VAV2: variants seen among roughly 807,000 people sequenced by gnomAD.
VAV2 encodes guanine nucleotide exchange factor VAV2.
In VAV2, 67 loss-of-function variants were observed where a neutral mutation model predicts 132.5. The ratio of observed to expected loss-of-function variants is 0.51; its 90% CI spans 0.42 to 0.62. The LOEUF is 0.62. Among genes scored for constraint, VAV2 ranks in the 20% least tolerant of loss-of-function variants. The pLI is 0.00. For missense variants in VAV2, 938 were observed against 1,153.6 expected (o/e 0.81, Z 2.71); for synonymous variants, 492 against 443.5 (o/e 1.11, Z -1.37).
intron 23 of VAV2, among the ~76,000 whole-genome samples, chr9:133,776,483 A>G (rs2510255): frequency 0.9 from 137,549 of 152,180 alleles, 62,204 homozygotes; most frequent in East Asian, 0.99. Context: ...CTGCCGCTCC[A>G]GTGAGCAGGT....
chr9:133,925,417 C>T (rs1840440341), intron 2 of VAV2, among the ~76,000 whole-genome samples: 1 of 152,142 alleles, frequency 6.6e-6, no homozygotes, highest in Non-Finnish European at 1.5e-5. Flanking sequence ...GGGGTTTCAC[C>T]ACGTTGTCCA....
intron 2 of VAV2, among the ~76,000 whole-genome samples, chr9:133,914,793 G>GGGA (rs1840011656): frequency 2.5e-5 from 3 of 120,052 alleles, no homozygotes; most frequent in African/African-American, 1.0e-4. Flanking sequence ...GGGAGAGGAG[G>GGGA]AGGAGAGGGG....
At chr9:133,874,394 G>A (rs531137527) in intron 2 of VAV2, among the ~76,000 whole-genome samples, 1 of 152,276 alleles carries the variant, frequency 6.6e-6, no homozygotes, top group East Asian at 1.9e-4. Context: ...TGTCCACCAG[G>A]AAAAAGCGGG....
rs79029980 is a variant in VAV2 at position 133,882,568 on chromosome 9, G to A, written c.322-21136C>T. 1.4e-4 allele frequency among the ~76,000 whole-genome samples: 21 copies of A among 152,264 alleles called. No homozygotes were observed. In the East Asian group the frequency reaches 3.9e-3, roughly 28 times the overall value. On this transcript the variant is annotated intron_variant, in intron 2 of 29. Coordinates refer to ENST00000371850, the MANE Select transcript of VAV2 (RefSeq NM_001134398.2). Reference sequence around the variant, plus strand: ...GACATAGGGAGAAAGGGGAGGCCATGTGAAGTCAGATCCCCACCCCCGCGA... The same window carrying A: ...GACATAGGGAGAAAGGGGAGGCCATATGAAGTCAGATCCCCACCCCCGCGA...
chr9:133,990,051 G>A (rs1485107999), intron 1 of VAV2, among the ~76,000 whole-genome samples: 2 of 152,208 alleles, frequency 1.3e-5, no homozygotes, highest in Admixed American at 6.5e-5. Context: ...GGCTACGAGG[G>A]GACTGCTATG....
chr9:133,904,884 C>T (rs1420989262), intron 2 of VAV2, among the ~76,000 whole-genome samples: 1 of 152,140 alleles, frequency 6.6e-6, no homozygotes, highest in Non-Finnish European at 1.5e-5. Flanking sequence ...GTGTTTTTGG[C>T]CCTCGTCCAC....
rs1206543034 is a variant in VAV2, at chr9:133,788,589, C to T, written c.1275-103G>A. 1 of 1,502,194 alleles carries T rather than the reference C, an allele frequency of 6.7e-7. No homozygotes were observed. The highest frequency in any genetic ancestry group is 1.4e-5 in the African/African-American group (1 of 73,110). 93.1% of individuals were successfully genotyped at this position (1,502,194 alleles called of 1,614,324 possible). A position where few individuals can be genotyped will look rare whatever the true frequency, so the allele number is the denominator to read the frequency against. ...CTGAGGCTCTGGCACGCGGCTCCCT[C>T]TCCGGGCGAGCCCTGCCCTCACCTG... On this transcript the variant is annotated intron_variant, in intron 14 of 29. Coordinates refer to ENST00000371850, the MANE Select transcript of VAV2 (RefSeq NM_001134398.2). The surrounding 1 kb of genome is among the most constrained non-coding windows in gnomAD (Gnocchi z 5.3).
At chr9:133,909,680 A>T (rs1839807636) in intron 2 of VAV2, among the ~76,000 whole-genome samples, 1 of 151,900 alleles carries the variant, frequency 6.6e-6, no homozygotes, top group Non-Finnish European at 1.5e-5. Context: ...AAAGAGGGGG[A>T]GACAGCCTTA....
At chr9:133,777,353 A>T in intron 23 of VAV2, 36 bp downstream of exon 23, 1 of 1,609,372 alleles carries the variant, frequency 6.2e-7, no homozygotes, top group Non-Finnish European at 8.5e-7. Context: ...CACCCAGGCC[A>T]CCGTGCTCCA....
Position 133,935,741 on chromosome 9 carries a change from C to T in VAV2, c.321+3362G>A, listed in dbSNP as rs564525444. Among the ~76,000 whole-genome samples, 36 of 152,354 alleles carry T rather than the reference C, an allele frequency of 2.4e-4. No individual in the cohort carries two copies. The highest frequency in any genetic ancestry group is 6.8e-3 in the Middle Eastern group (2 of 294). On this transcript the variant is annotated intron_variant, in intron 2 of 29. Coordinates refer to ENST00000371850, the MANE Select transcript of VAV2 (RefSeq NM_001134398.2). The surrounding 1 kb of genome is among the most constrained non-coding windows in gnomAD (Gnocchi z 5.2). ...TTGGAAGTGCTGACCACAGCTTGACCACGGTAGGAAAAACATCCAGGGAAG... is the reference window on the plus strand; with the variant it reads ...TTGGAAGTGCTGACCACAGCTTGACTACGGTAGGAAAAACATCCAGGGAAG...
intron 1 of VAV2, among the ~76,000 whole-genome samples, chr9:133,957,395 C>T (rs1472201253): frequency 1.3e-5 from 2 of 152,150 alleles, no homozygotes; most frequent in African/African-American, 2.4e-5. Flanking sequence ...GTTTTTCTGT[C>T]GTCTCTTGAC....
rs45607334 is a variant in VAV2, at chr9:133,789,244, C to T, written c.1274+14G>A. On this transcript the variant is annotated intron_variant, in intron 14 of 29. Coordinates refer to ENST00000371850, the MANE Select transcript of VAV2 (RefSeq NM_001134398.2). ...GCGGGACGCCACCCAGCCCACAACA[C>T]GCGCCCTGCTCACCTGTCCTGCTTG... is the stretch of plus-strand genomic sequence containing the variant. 210,825 of 1,613,264 alleles carry T rather than the reference C, an allele frequency of 0.13. 14,828 individuals carry two copies. The highest frequency in any genetic ancestry group is 0.16 in the South Asian group (14,682 of 91,022).
At chr9:133,842,848 T>C (rs1836780023) in intron 3 of VAV2, among the ~76,000 whole-genome samples, 3 of 152,160 alleles carry the variant, frequency 2.0e-5, no homozygotes, top group Admixed American at 2.0e-4. Context: ...CTTTTGGCAC[T>C]GTGTGCCGGG....
In VAV2 at chr9:133,863,844, T is replaced by G. The variant is rs1271272792; in HGVS notation, c.322-2412A>C. On this transcript the variant is annotated intron_variant, in intron 2 of 29. Coordinates refer to ENST00000371850, the MANE Select transcript of VAV2 (RefSeq NM_001134398.2). This position sits in a 1 kb window ranked among gnomAD's most constrained non-coding sequence, Gnocchi z 5.0. ...GCTGCTGGAGCAGACACCGGACCCC[T>G]GAGATAGCCATGGGGTCAGATGGGG... 6.6e-6 allele frequency among the ~76,000 whole-genome samples: 1 copy of G among 152,078 alleles called. No homozygotes were observed. The highest frequency in any genetic ancestry group is 6.5e-5 in the Admixed American group (1 of 15,284).
chr9:133,796,570 C>G (rs1247828751), intron 10 of VAV2, 46 bp from the exon 11 acceptor site: 9 of 1,563,932 alleles, frequency 5.8e-6, no homozygotes, highest in Non-Finnish European at 7.0e-6. Flanking sequence ...CGAGGAAAGC[C>G]TGAACCCACC....
intron 1 of VAV2, among the ~76,000 whole-genome samples, chr9:133,985,642 C>T (rs1350599030): frequency 6.6e-6 from 1 of 152,172 alleles, no homozygotes; most frequent in Non-Finnish European, 1.5e-5. Flanking sequence ...CTTGGACAAA[C>T]AGCTGGTTCT....
intron 1 of VAV2, among the ~76,000 whole-genome samples, chr9:133,986,321 G>A (rs1341243074): frequency 6.6e-6 from 1 of 152,188 alleles, no homozygotes; most frequent in Non-Finnish European, 1.5e-5. Flanking sequence ...AACCAAAGGA[G>A]GCTGTAACCT....
chr9:133,872,693 G>GAAGGCTGGC (rs1838106122), intron 2 of VAV2, among the ~76,000 whole-genome samples: 1 of 152,038 alleles, frequency 6.6e-6, no homozygotes, highest in African/African-American at 2.4e-5. Flanking sequence ...TGGAGCACAG[G>GAAGGCTGGC]AGGAGGCGTA....
chr9:133,831,184 T>C lies in VAV2; in HGVS notation c.449+3088A>G, dbSNP rs12554516. Among the ~76,000 whole-genome samples, 1,336 of 152,066 alleles carry C rather than the reference T, an allele frequency of 8.8e-3. 36 individuals carry two copies. Among genetic ancestry groups the C allele is most frequent in the Admixed American group, 0.054 (829 of 15,262 alleles). Reference sequence around the variant, plus strand: ...GGCACGGTGGCTCACGCCTGTAATCTCAGCACTATGGGAGGCCGAGGCAGG... The same window carrying C: ...GGCACGGTGGCTCACGCCTGTAATCCCAGCACTATGGGAGGCCGAGGCAGG... On this transcript the variant is annotated intron_variant, in intron 4 of 29. Transcript: ENST00000371850.
Sources: gnomAD v4.1 joint callset for allele counts (sites outside exome capture counted in the v4.1 genomes callset) on GRCh38, gnomAD v4.1.1 for gene constraint, Gnocchi (gnomAD v3.1) non-coding constraint, MANE v1.5 for transcripts, NCBI Gene and HGNC (gene_info 2026-07-23, HGNC 2026-07-21) for gene names.